The following IFT88 variants were observed in gnomAD, a reference collection of about 807,000 sequenced individuals.
IFT88 encodes the protein intraflagellar transport protein 88 homolog.
Under a neutral mutation model 119.5 loss-of-function variants are expected in IFT88, and 74 were observed. That is an observed-to-expected ratio of 0.62 (90% CI 0.51 to 0.75). IFT88 has a LOEUF of 0.75. Among genes scored for constraint, IFT88 ranks in the 30% least tolerant of loss-of-function variants. The pLI, the probability that IFT88 is intolerant of heterozygous loss-of-function variation, is 0.00. For missense variants in IFT88, 961 were observed against 977.7 expected (o/e 0.98, Z 0.23); for synonymous variants, 279 against 316.7 (o/e 0.88, Z 1.26).
chr13:20,615,106 C>T (rs1208769195), intron 13 of IFT88, among the ~76,000 whole-genome samples: 4 of 152,078 alleles, frequency 2.6e-5, no homozygotes, highest in East Asian at 1.9e-4. Flanking sequence ...TGAGCCACTG[C>T]GCCCGTCCTG....
chr13:20,597,729 G>T (rs1484037577), intron 9 of IFT88, among the ~76,000 whole-genome samples: 4 of 149,950 alleles, frequency 2.7e-5, no homozygotes, highest in East Asian at 1.9e-4. Context: ...CTGGGCGACA[G>T]AGCGAGACTC....
At chr13:20,568,639 G>A (rs1443271642) in intron 1 of IFT88, among the ~76,000 whole-genome samples, 2 of 152,182 alleles carry the variant, frequency 1.3e-5, no homozygotes, top group African/African-American at 4.8e-5. Flanking sequence ...TTGGGTTTAA[G>A]AACCACTGGT....
intron 21 of IFT88, among the ~76,000 whole-genome samples, chr13:20,655,359 G>T (rs1476233272): frequency 1.3e-5 from 2 of 151,612 alleles, no homozygotes; most frequent in South Asian, 2.1e-4. Context: ...TTGAAGCCAG[G>T]AGGCGAAGGT....
At chr13:20,638,021 A>C (rs905228205) in intron 16 of IFT88, among the ~76,000 whole-genome samples, 2 of 152,156 alleles carry the variant, frequency 1.3e-5, no homozygotes, top group African/African-American at 4.8e-5. Flanking sequence ...CAGGGCTTCA[A>C]GTGGGAGGGG....
intron 23 of IFT88, among the ~76,000 whole-genome samples, chr13:20,665,545 A>G (rs1295015237): frequency 2.6e-5 from 4 of 152,260 alleles, no homozygotes; most frequent in African/African-American, 9.6e-5. Context: ...ACAAAAGTCA[A>G]CAAAACTACT....
chr13:20,613,951 A>ACAGAAAG (rs56032841), intron 13 of IFT88, among the ~76,000 whole-genome samples: 150,779 of 152,188 alleles, frequency 0.99, 74,702 homozygotes, highest in South Asian at 1. Context: ...ATCTATAAAG[A>ACAGAAAG]TTTGCCAGGG....
intron 12 of IFT88, among the ~76,000 whole-genome samples, chr13:20,603,341 C>T (rs1292526347): frequency 6.7e-6 from 1 of 149,006 alleles, no homozygotes; most frequent in Admixed American, 6.7e-5. Context: ...GAGCCGAGAT[C>T]GCACTATTCA....
intron 1 of IFT88, among the ~76,000 whole-genome samples, chr13:20,573,672 G>A (rs960371850): frequency 6.6e-6 from 1 of 152,188 alleles, no homozygotes; most frequent in Non-Finnish European, 1.5e-5. Flanking sequence ...AGCAACGTGT[G>A]AATACTCTGG....
At chr13:20,594,762 A>T (rs1473697952) in intron 7 of IFT88, among the ~76,000 whole-genome samples, 1 of 152,220 alleles carries the variant, frequency 6.6e-6, no homozygotes, top group African/African-American at 2.4e-5. Context: ...CTTACTGCTC[A>T]GTTAGAATTT....
At chr13:20,588,694 A>G (rs1169522416) in intron 3 of IFT88, among the ~76,000 whole-genome samples, 2 of 152,204 alleles carry the variant, frequency 1.3e-5, no homozygotes, top group Non-Finnish European at 2.9e-5. Flanking sequence ...ACATCACTAC[A>G]GAAAGTTTAT....
In IFT88 at chr13:20,599,324, A is replaced by C. The variant is rs972668173; in HGVS notation, c.698-127A>C. On this transcript the variant is annotated intron_variant, in intron 10 of 25. Transcript: ENST00000351808. ...AAAGTATAACTGTTTTAAAGTTAGAATTTTAGATAATATCTGAGACTTCAT... is the reference window on the plus strand; with the variant it reads ...AAAGTATAACTGTTTTAAAGTTAGACTTTTAGATAATATCTGAGACTTCAT... 132 of 513,296 alleles carry C rather than the reference A, an allele frequency of 2.6e-4. 1 individual carries two copies. Among genetic ancestry groups the C allele is most frequent in the East Asian group, 8.5e-4 (25 of 29,290 alleles). 31.8% of individuals were successfully genotyped at this position (513,296 alleles called of 1,614,324 possible).
intron 20 of IFT88, among the ~76,000 whole-genome samples, chr13:20,650,444 A>C (rs931939963): frequency 6.6e-6 from 1 of 152,188 alleles, no homozygotes; most frequent in Non-Finnish European, 1.5e-5. Context: ...AAAATACTCC[A>C]ATCAGGAATA....
At chr13:20,641,764 A>C (rs1035688031) in intron 18 of IFT88, 1 of 167,268 alleles carries the variant, frequency 6.0e-6, no homozygotes, top group African/African-American at 2.4e-5. Context: ...CTTACTAAAT[A>C]AAATACTGTT....
chr13:20,573,488 G>A (rs1042978192), intron 1 of IFT88, among the ~76,000 whole-genome samples: 2 of 152,084 alleles, frequency 1.3e-5, no homozygotes, highest in East Asian at 1.9e-4. Flanking sequence ...TCTTTAGGTC[G>A]ACAGCTACTA....
At chr13:20,681,550 G>A (rs2094698) in intron 24 of IFT88, among the ~76,000 whole-genome samples, 34,254 of 152,190 alleles carry the variant, frequency 0.23, 4,630 homozygotes, top group African/African-American at 0.36. Context: ...AGTGTCTAGC[G>A]TTAGATATTT....
At chr13:20,656,483 G>A (rs1344039271) in intron 22 of IFT88, 53 bp downstream of exon 22, 5 of 802,966 alleles carry the variant, frequency 6.2e-6, no homozygotes, top group Non-Finnish European at 9.9e-6. Flanking sequence ...CATATTTTAT[G>A]TTCTAATATA....
chr13:20,612,497 TACTA>T (rs1427061183), intron 13 of IFT88, among the ~76,000 whole-genome samples: 1 of 152,194 alleles, frequency 6.6e-6, no homozygotes, highest in Non-Finnish European at 1.5e-5. Flanking sequence ...AATATAAAGA[TACTA>T]AATAAATTAT....
intron 2 of IFT88, among the ~76,000 whole-genome samples, chr13:20,578,950 G>A (rs573298318): frequency 6.6e-6 from 1 of 152,120 alleles, no homozygotes; most frequent in South Asian, 2.1e-4. Context: ...TCTGGCTAAC[G>A]GTTTGTCAAT....
chr13:20,626,926 C>A lies in IFT88; in HGVS notation c.1299+1077C>A, dbSNP rs2047430092. ...AGAGAAAGCTATAGCATCTTTCCCA[C>A]ATCCTCTCCCAAGCCTATGCTTTCA... On this transcript the variant is annotated intron_variant, in intron 15 of 25. Transcript: ENST00000351808. Among the ~76,000 whole-genome samples, 4 of 152,338 alleles carry A rather than the reference C, an allele frequency of 2.6e-5. No individual in the cohort carries two copies. The South Asian group carries it at 8.3e-4, about 32-fold the overall frequency.
Sources: gnomAD v4.1 joint callset for allele counts (sites outside exome capture counted in the v4.1 genomes callset) on GRCh38, gnomAD v4.1.1 for gene constraint, MANE v1.5 for transcripts, NCBI Gene and HGNC (gene_info 2026-07-23, HGNC 2026-07-21) for gene names.